The following TENM2 variants were observed in gnomAD, a reference collection of about 807,000 sequenced individuals.
TENM2 encodes teneurin-2.
Under a neutral mutation model 245.2 loss-of-function variants are expected in TENM2, and 52 were observed. That is an observed-to-expected ratio of 0.21 (90% confidence interval 0.17 to 0.27). The LOEUF is 0.27. Ranked by LOEUF, TENM2 falls within the 10% of genes least tolerant of loss-of-function variation. The pLI is 1.00. For missense variants in TENM2, 3,046 were observed against 3,666.8 expected (o/e 0.83, Z 4.37); for synonymous variants, 1,363 against 1,438.9 (o/e 0.95, Z 1.19).
intron 2 of TENM2, among the ~76,000 whole-genome samples, chr5:167,557,480 A>T (rs1562052664): frequency 6.6e-6 from 1 of 152,242 alleles, no homozygotes; most frequent in Non-Finnish European, 1.5e-5. Context: ...TAAAATGGGA[A>T]TAATAACAAG....
chr5:168,076,008 G>A (rs557098583), intron 7 of TENM2, among the ~76,000 whole-genome samples: 3 of 152,048 alleles, frequency 2.0e-5, no homozygotes, highest in Non-Finnish European at 4.4e-5. Context: ...GGAATTATGG[G>A]AGCTACAATT....
chr5:167,960,560 A>G (rs1001192584), intron 4 of TENM2, among the ~76,000 whole-genome samples: 1 of 142,508 alleles, frequency 7.0e-6, no homozygotes, highest in Non-Finnish European at 1.5e-5. Flanking sequence ...ACCAAGCTGG[A>G]GCATCCCAGG....
At chr5:168,126,038 C>T (rs1327996638) in intron 11 of TENM2, among the ~76,000 whole-genome samples, 1 of 152,164 alleles carries the variant, frequency 6.6e-6, no homozygotes, top group Non-Finnish European at 1.5e-5. Flanking sequence ...TGCTTGTCCT[C>T]GCGTGAGAGG....
chr5:167,155,429 G>T, the TENM2 span, among the ~76,000 whole-genome samples: 1 of 152,192 alleles, frequency 6.6e-6, no homozygotes, highest in Non-Finnish European at 1.5e-5. Flanking sequence ...AAATGCACTA[G>T]TGTGCGTTGA....
chr5:167,124,179 A>G, the TENM2 span, among the ~76,000 whole-genome samples: 1 of 152,204 alleles, frequency 6.6e-6, no homozygotes, highest in Non-Finnish European at 1.5e-5. Context: ...TCAATGGGTT[A>G]GGTAAAAGTT....
chr5:167,217,560 G>C, the TENM2 span, among the ~76,000 whole-genome samples: 1 of 151,986 alleles, frequency 6.6e-6, no homozygotes. Flanking sequence ...ATATTCATAA[G>C]CTGCAGGCAC....
At chr5:167,884,330 T>G (rs1401563119) in intron 3 of TENM2, among the ~76,000 whole-genome samples, 1 of 152,208 alleles carries the variant, frequency 6.6e-6, no homozygotes, top group African/African-American at 2.4e-5. Flanking sequence ...CACATTGTTA[T>G]GCAACCATCA....
intron 2 of TENM2, among the ~76,000 whole-genome samples, chr5:167,452,326 G>T (rs1376796538): frequency 2.0e-5 from 3 of 152,126 alleles, no homozygotes; most frequent in Non-Finnish European, 4.4e-5. Flanking sequence ...TGGCTCTCTT[G>T]TCTTCTCTCA....
At chr5:167,037,263 T>G in the TENM2 span, among the ~76,000 whole-genome samples, 1 of 152,350 alleles carries the variant, frequency 6.6e-6, no homozygotes, top group Admixed American at 6.5e-5. Flanking sequence ...TTTCATTTTT[T>G]GGAAAACAGG....
intron 2 of TENM2, among the ~76,000 whole-genome samples, chr5:167,677,738 T>C (rs1756429789): frequency 6.7e-6 from 1 of 148,880 alleles, no homozygotes; most frequent in Admixed American, 6.8e-5. Flanking sequence ...TTTATATACT[T>C]ATTATATATT....
At chr5:167,447,487 A>G (rs1233569631) in intron 2 of TENM2, among the ~76,000 whole-genome samples, 1 of 152,154 alleles carries the variant, frequency 6.6e-6, no homozygotes, top group Non-Finnish European at 1.5e-5. Context: ...GAATTTAACA[A>G]TTTTACTTGA....
At chr5:167,603,719 G>T (rs547441339) in intron 2 of TENM2, among the ~76,000 whole-genome samples, 1 of 152,266 alleles carries the variant, frequency 6.6e-6, no homozygotes, top group East Asian at 1.9e-4. Context: ...TAAGATCATA[G>T]AATCAGTTTG....
Position 167,559,286 on chromosome 5 carries a change from A to G in TENM2, c.502+183813A>G, listed in dbSNP as rs1773444574. Among the ~76,000 whole-genome samples the G allele has an allele frequency of 2.6e-5, 4 of 152,134 alleles. No homozygotes were observed. In the South Asian group the frequency reaches 6.2e-4, roughly 24 times the overall value. ...TCCGTTGTGTCCCCCTGCAATGTGG[A>G]TGGAGAATTAGCTGAATATGCCCAG... On this transcript the variant is annotated intron_variant, in intron 2 of 28. Transcript: ENST00000518659.
intron 5 of TENM2, among the ~76,000 whole-genome samples, chr5:168,008,302 A>G (rs1259675507): frequency 6.6e-6 from 1 of 152,244 alleles, no homozygotes; most frequent in Non-Finnish European, 1.5e-5. Flanking sequence ...GACGCCTGCT[A>G]AGAACAGTGA....
intron 2 of TENM2, among the ~76,000 whole-genome samples, chr5:167,408,743 G>C (rs893795668): frequency 1.3e-5 from 2 of 151,258 alleles, no homozygotes; most frequent in East Asian, 3.9e-4. Context: ...CCAAGACATA[G>C]TATTTTAGAC....
chr5:167,606,569 A>G (rs1294778338), intron 2 of TENM2, among the ~76,000 whole-genome samples: 2 of 152,116 alleles, frequency 1.3e-5, no homozygotes, highest in East Asian at 3.9e-4. Context: ...GCTTCAACAT[A>G]TGAATTTGGG....
chr5:168,046,086 A>C (rs1275233001), intron 5 of TENM2, among the ~76,000 whole-genome samples: 1 of 152,196 alleles, frequency 6.6e-6, no homozygotes, highest in Non-Finnish European at 1.5e-5. Context: ...ACACCCACAC[A>C]CACACGGACA....
At chr5:168,257,227 GT>G (rs1767744697) in intron 27 of TENM2, among the ~76,000 whole-genome samples, 1 of 151,490 alleles carries the variant, frequency 6.6e-6, no homozygotes, top group South Asian at 2.1e-4. Flanking sequence ...TGTGACTGTT[GT>G]TTTGGGGGGA....
chr5:166,993,572 C>T, the TENM2 span, among the ~76,000 whole-genome samples: 3 of 151,994 alleles, frequency 2.0e-5, no homozygotes, highest in Admixed American at 1.3e-4. Context: ...TTGTAGATGG[C>T]CAACCATGAC....
Sources: gnomAD v4.1 joint callset for allele counts (sites outside exome capture counted in the v4.1 genomes callset) on GRCh38, gnomAD v4.1.1 for gene constraint, MANE v1.5 for transcripts, NCBI Gene and HGNC (gene_info 2026-07-23, HGNC 2026-07-21) for gene names.